The following ZNF644 variants were observed in gnomAD, a reference collection of about 807,000 sequenced individuals.
ZNF644 encodes zinc finger motif enhancer binding protein 2.
ZNF644 carries 20 observed loss-of-function variants against 108.0 expected under a neutral mutation model. That is an observed-to-expected ratio of 0.19 (90% CI 0.13 to 0.27). The LOEUF (loss-of-function observed/expected upper bound fraction) is 0.27. ZNF644 is among the 10% of genes least tolerant of loss of function. ZNF644 has a pLI of 1.00. For synonymous variants in ZNF644, 542 were observed against 539.1 expected (o/e 1.01, Z -0.08); for missense variants, 1,338 against 1,548.9 (o/e 0.86, Z 2.29).
intron 4 of ZNF644, among the ~76,000 whole-genome samples, chr1:90,920,898 C>T (rs1249845748): frequency 6.6e-6 from 1 of 152,032 alleles, no homozygotes; most frequent in African/African-American, 2.4e-5. Flanking sequence ...GATTTATTAT[C>T]TCCTGAAATG....
chr1:90,923,348 A>G (rs1300143185), intron 4 of ZNF644, among the ~76,000 whole-genome samples: 3 of 152,134 alleles, frequency 2.0e-5, no homozygotes, highest in Non-Finnish European at 4.4e-5. Context: ...GCCCATTCAA[A>G]AAAGGAAAAA....
chr1:90,970,553 T>A (rs984495893), intron 2 of ZNF644, among the ~76,000 whole-genome samples: 1 of 152,166 alleles, frequency 6.6e-6, no homozygotes, highest in African/African-American at 2.4e-5. Context: ...AAACTACTAA[T>A]GTTCAGTCCC....
In ZNF644 at chr1:90,940,760, A is replaced by G. The variant is rs778223549; in HGVS notation, c.594T>C (p.Ala198=). The G allele has an allele frequency of 6.2e-7, 1 of 1,614,038 alleles. No individual in the cohort carries two copies. Among genetic ancestry groups the G allele is most frequent in the South Asian group, 1.1e-5 (1 of 91,072 alleles). Residue 198 remains alanine (A), a synonymous_variant, in exon 3 of 6, where the codon GCT becomes GCC. Coordinates refer to ENST00000337393, the MANE Select transcript of ZNF644 (RefSeq NM_201269.3). The part of the protein sequence containing the change: ...THSNKKLPTS[A]SVGCDIQNSV... ...AATTCTGAATGTCACAACCAACTGAAGCAGAGGTAGGTAGTTTTTTATTGG... is the reference window on the plus strand; with the variant it reads ...AATTCTGAATGTCACAACCAACTGAGGCAGAGGTAGGTAGTTTTTTATTGG...
intron 2 of ZNF644, among the ~76,000 whole-genome samples, chr1:90,977,042 T>TAA (rs759547744): frequency 2.1e-5 from 3 of 144,944 alleles, no homozygotes; most frequent in African/African-American, 2.5e-5. Context: ...ATTAAATACT[T>TAA]AAAAAAAAAA....
Position 90,939,647 on chromosome 1 carries a change from C to A in ZNF644, c.1707G>T (p.Lys569Asn). The A allele has an allele frequency of 6.2e-7, 1 of 1,613,890 alleles. No individual in the cohort carries two copies. Among genetic ancestry groups the A allele is most frequent in the Non-Finnish European group, 8.5e-7 (1 of 1,179,902 alleles). Residue 569 changes from lysine to asparagine, a missense_variant, in exon 3 of 6, where the codon AAG (lysine) becomes AAT (asparagine). Coordinates refer to ENST00000337393, the MANE Select transcript of ZNF644 (RefSeq NM_201269.3). The stretch of plus-strand genomic sequence containing the variant: ...CTACTACAGAGTCTTTCATGAAAGT[C>A]TTTTTTTGTGTTTTTCTCTGGGCAA... ...SDIAQRKTQK[K>N]TFMKDSVVGS...
rs544747119 is a variant in ZNF644 at position 91,009,323 on chromosome 1, T to TAAAA, written c.-18+12663_-18+12666dup. 1.1e-3 allele frequency among the ~76,000 whole-genome samples: 163 copies of TAAAA among 150,660 alleles called. 1 individual carries two copies. Among genetic ancestry groups the TAAAA allele is most frequent in the African/African-American group, 3.8e-3 (155 of 40,936 alleles). ...AGCTTCTGTTCTATTTCCTAACTCT[T>TAAAA]AAAAAAAAAGAGGATTTAAAAAACT... On this transcript the variant is annotated intron_variant, in intron 1 of 5. Transcript: ENST00000337393.
rs569056642 is a variant in ZNF644 at position 91,005,991 on chromosome 1, T to C, written c.-18+15999A>G. Among the ~76,000 whole-genome samples the C allele has an allele frequency of 1.1e-4, 17 of 151,520 alleles. No homozygotes were observed. In the East Asian group the frequency reaches 2.7e-3, roughly 24 times the overall value. On this transcript the variant is annotated intron_variant, in intron 1 of 5. Coordinates refer to ENST00000337393, the MANE Select transcript of ZNF644 (RefSeq NM_201269.3). ...AGTTGGTTCTTTGAAAAGAACAAAA[T>C]TGACAAACCTTTAGCTCAACTAAGA... is the stretch of plus-strand genomic sequence containing the variant.
At chr1:91,007,116 G>C (rs969679739) in intron 1 of ZNF644, among the ~76,000 whole-genome samples, 1 of 148,976 alleles carries the variant, frequency 6.7e-6, no homozygotes, top group African/African-American at 2.5e-5. Context: ...GTATCTTGAT[G>C]TGGTTCTTTT....
At chr1:90,978,979 G>A (rs922097252) in intron 2 of ZNF644, among the ~76,000 whole-genome samples, 1 of 152,164 alleles carries the variant, frequency 6.6e-6, no homozygotes, top group African/African-American at 2.4e-5. Context: ...GCTGCAGAAA[G>A]GAAAAGCAAC....
intron 4 of ZNF644, chr1:90,935,316 T>G: frequency 1.0e-6 from 1 of 966,540 alleles, no homozygotes; most frequent in Non-Finnish European, 1.2e-6. Context: ...CAAAGAAAGC[T>G]ATAAATATGA....
At chr1:91,017,608 A>C (rs1660539521) in intron 1 of ZNF644, among the ~76,000 whole-genome samples, 1 of 152,236 alleles carries the variant, frequency 6.6e-6, no homozygotes, top group Non-Finnish European at 1.5e-5. Flanking sequence ...TTGAAATTAA[A>C]AGAATAAAAA....
chr1:91,016,661 T>C (rs1257497991), intron 1 of ZNF644, among the ~76,000 whole-genome samples: 1 of 152,226 alleles, frequency 6.6e-6, no homozygotes, highest in African/African-American at 2.4e-5. Flanking sequence ...ATGAAAGAGA[T>C]ACTTTTAAGT....
intron 1 of ZNF644, among the ~76,000 whole-genome samples, chr1:90,998,809 T>G (rs1308833927): frequency 6.6e-6 from 1 of 152,126 alleles, no homozygotes; most frequent in Non-Finnish European, 1.5e-5. Flanking sequence ...GAAAAAAGAC[T>G]AGACAAATGG....
Position 90,917,216 on chromosome 1 carries a change from T to C in ZNF644, c.3792-226A>G, listed in dbSNP as rs180867117. The stretch of plus-strand genomic sequence containing the variant: ...ATCTTTGTATAGGTGGGAGCATTAT[T>C]ATTTTAAAATTAACATCTACACATC... On this transcript the variant is annotated intron_variant, in intron 5 of 5. Transcript: ENST00000337393. Among the ~76,000 whole-genome samples the C allele has an allele frequency of 1.8e-4, 27 of 152,058 alleles. No homozygotes were observed. The Middle Eastern group carries it at 0.024, about 134-fold the overall frequency.
At chr1:90,980,872 G>C (rs987117418) in intron 2 of ZNF644, among the ~76,000 whole-genome samples, 1 of 152,120 alleles carries the variant, frequency 6.6e-6, no homozygotes, top group Non-Finnish European at 1.5e-5. Flanking sequence ...TCTATATCTT[G>C]ATCTAGATGG....
At chr1:90,997,544 T>C (rs1312354002) in intron 1 of ZNF644, among the ~76,000 whole-genome samples, 5 of 151,354 alleles carry the variant, frequency 3.3e-5, no homozygotes, top group African/African-American at 9.7e-5. Flanking sequence ...AACAAAAAAT[T>C]ACAAGATATT....
At chr1:90,997,041 C>T (rs988885980) in intron 1 of ZNF644, among the ~76,000 whole-genome samples, 2 of 152,126 alleles carry the variant, frequency 1.3e-5, no homozygotes, top group East Asian at 3.9e-4. Context: ...CATATTGCAG[C>T]TGGCTGAGGG....
intron 2 of ZNF644, among the ~76,000 whole-genome samples, chr1:90,948,725 G>C (rs1024186008): frequency 6.6e-5 from 10 of 152,156 alleles, no homozygotes; most frequent in African/African-American, 2.4e-4. Flanking sequence ...CACAGTTCAA[G>C]CTCATGTTGT....
intron 2 of ZNF644, chr1:90,973,218 G>A (rs1416940698): frequency 2.0e-5 from 3 of 152,046 alleles, no homozygotes; most frequent in East Asian, 3.8e-4. Flanking sequence ...AATAACCTGA[G>A]AGGGAGGAAA....
Sources: allele counts gnomAD v4.1 joint callset (sites outside exome capture counted in the v4.1 genomes callset), GRCh38; gene constraint gnomAD v4.1.1; transcripts MANE v1.5; gene names NCBI Gene and HGNC (gene_info 2026-07-23, HGNC 2026-07-21).